NYAP2: variants seen among roughly 807,000 people sequenced by gnomAD.
NYAP2 encodes neuronal tyrosine-phosphorylated phosphoinositide-3-kinase adaptor 2.
A neutral mutation model predicts 50.4 loss-of-function variants in NYAP2; 23 were observed. The ratio of observed to expected loss-of-function variants is 0.46; its 90% CI spans 0.33 to 0.65. NYAP2 has a LOEUF of 0.65. Among genes scored for constraint, NYAP2 ranks in the 30% least tolerant of loss-of-function variants. The pLI is 0.02. For synonymous variants in NYAP2, 394 were observed against 365.2 expected, an observed-to-expected ratio of 1.08 and a Z score of -0.90; for missense variants, 885 against 861.0, an observed-to-expected ratio of 1.03 and a Z score of -0.35.
chr2:225,548,695 C>T (rs189585836), intron 4 of NYAP2, among the ~76,000 whole-genome samples: 26 of 152,052 alleles, frequency 1.7e-4, no homozygotes, highest in Middle Eastern at 6.8e-3. Context: ...AGTGCTACCA[C>T]GAGAATCCAC....
chr2:225,582,316 C>T lies in NYAP2; in HGVS notation c.899C>T (p.Thr300Met), dbSNP rs376660568. ...TGTTCTTCGCAGTGTGCTACTCCCA[C>T]GGTGCCTGACTTGGACTTCGCCAAG... The change falls in exon 5 of 7, where the codon ACG becomes ATG. Residue 300 changes from threonine (T) to methionine (M), a missense_variant. Coordinates refer to ENST00000636099, the Ensembl canonical transcript of NYAP2. The surrounding 1 kb of genome is among the most constrained non-coding windows in gnomAD (Gnocchi z 7.0). 58 of 1,613,904 alleles carry T rather than the reference C, an allele frequency of 3.6e-5. No individual in the cohort carries two copies. The highest frequency in any genetic ancestry group is 1.7e-4 in the African/African-American group (13 of 74,942).
chr2:225,677,705 G>A, the NYAP2 span, among the ~76,000 whole-genome samples: 5 of 151,958 alleles, frequency 3.3e-5, no homozygotes, highest in Non-Finnish European at 7.4e-5. Context: ...TGTTTGTGTG[G>A]TGAATCATAT....
chr2:225,424,003 A>T lies in NYAP2; in HGVS notation c.221+14902A>T, dbSNP rs113931194. 2.2e-3 allele frequency among the ~76,000 whole-genome samples: 341 copies of T among 152,280 alleles called. 4 individuals are homozygous for T. Among genetic ancestry groups the T allele is most frequent in the Middle Eastern group, 0.021 (6 of 292 alleles). On this transcript the variant is annotated intron_variant, in intron 3 of 6. Transcript: ENST00000636099. ...AGATACTTTATTTCTCATGTTGATA[A>T]CACAGTCCCTAAGATACCTGATGAA...
chr2:225,637,871 A>G (rs2106263965), intron 6 of NYAP2, among the ~76,000 whole-genome samples: 1 of 152,288 alleles, frequency 6.6e-6, no homozygotes, highest in African/African-American at 2.4e-5. Context: ...AATGTAAATA[A>G]ACAGGGTACA....
At chr2:225,655,829 G>A (rs1212565096), downstream of NYAP2, among the ~76,000 whole-genome samples, 1 of 146,996 alleles carries the variant, frequency 6.8e-6, no homozygotes, top group Admixed American at 6.9e-5. Context: ...ATGTTCCCAA[G>A]ACATGTTTGA....
chr2:225,700,310 T>C, the NYAP2 span: 1 of 151,780 alleles, frequency 6.6e-6, no homozygotes, highest in Non-Finnish European at 1.5e-5. Context: ...CGTGCATGTG[T>C]GTGTGTGTGA....
chr2:225,617,522 A>G (rs1319093863), intron 5 of NYAP2, among the ~76,000 whole-genome samples: 2 of 152,238 alleles, frequency 1.3e-5, no homozygotes, highest in Non-Finnish European at 2.9e-5. Context: ...TGTTCATAGA[A>G]GCAATTAAAT....
At chr2:225,408,996 C>T (rs368820040) in exon 3 of NYAP2, 9 of 1,612,052 alleles carry the variant, frequency 5.6e-6, no homozygotes, top group Admixed American at 1.7e-5. Context: ...ATTCAGAATG[C>T]GTCAGATATT....
chr2:225,465,954 C>T (rs1173352868), intron 3 of NYAP2, among the ~76,000 whole-genome samples: 1 of 152,096 alleles, frequency 6.6e-6, no homozygotes, highest in African/African-American at 2.4e-5. Flanking sequence ...GCACAAAATC[C>T]ACACTCTTAA....
At chr2:225,545,582 A>T (rs919053625) in intron 4 of NYAP2, among the ~76,000 whole-genome samples, 1 of 151,974 alleles carries the variant, frequency 6.6e-6, no homozygotes. Flanking sequence ...AGAGTTCTGA[A>T]TTTTTTCTCT....
chr2:225,677,045 A>G, the NYAP2 span, among the ~76,000 whole-genome samples: 9 of 152,252 alleles, frequency 5.9e-5, no homozygotes, highest in East Asian at 1.4e-3. Flanking sequence ...TGAGCATGGA[A>G]TAATTTTCTA....
At chr2:225,447,225 T>G (rs1417076205) in intron 3 of NYAP2, among the ~76,000 whole-genome samples, 3 of 152,320 alleles carry the variant, frequency 2.0e-5, no homozygotes, top group Non-Finnish European at 4.4e-5. Context: ...TACTTCCTAG[T>G]GGAGCTGTTC....
At chr2:225,689,130 G>A in the NYAP2 span, among the ~76,000 whole-genome samples, 3 of 152,188 alleles carry the variant, frequency 2.0e-5, no homozygotes, top group Non-Finnish European at 4.4e-5. Context: ...AATTGTCACT[G>A]TTCAGCATGG....
At chr2:225,615,208 G>A (rs1559230516) in intron 5 of NYAP2, among the ~76,000 whole-genome samples, 1 of 152,148 alleles carries the variant, frequency 6.6e-6, no homozygotes. Context: ...AGGACAAAGG[G>A]ATTTGGTCAG....
chr2:225,690,176 A>G, the NYAP2 span, among the ~76,000 whole-genome samples: 1 of 152,150 alleles, frequency 6.6e-6, no homozygotes, highest in Admixed American at 6.5e-5. Context: ...TTAAACATTT[A>G]GTGTAAAATA....
At chr2:225,573,196 G>T (rs1692105306) in intron 4 of NYAP2, among the ~76,000 whole-genome samples, 1 of 148,704 alleles carries the variant, frequency 6.7e-6, no homozygotes. Context: ...CTATTGCTGT[G>T]TAATAAACTA....
At chr2:225,540,935 C>T (rs1003486778) in intron 4 of NYAP2, among the ~76,000 whole-genome samples, 1 of 152,096 alleles carries the variant, frequency 6.6e-6, no homozygotes, top group African/African-American at 2.4e-5. Flanking sequence ...TTTTCCATAT[C>T]CACGCCAGCC....
chr2:225,597,895 T>G (rs182858629), intron 5 of NYAP2, among the ~76,000 whole-genome samples: 3 of 152,184 alleles, frequency 2.0e-5, no homozygotes, highest in Admixed American at 6.5e-5. Flanking sequence ...TAGTAAAAGA[T>G]AAAGTAAGGT....
the NYAP2 span, among the ~76,000 whole-genome samples, chr2:225,677,859 A>G: frequency 6.6e-6 from 1 of 152,074 alleles, no homozygotes; most frequent in African/African-American, 2.4e-5. Context: ...CATCAGGGAT[A>G]TTGGCATGAA....
Sources: allele counts gnomAD v4.1 joint callset (sites outside exome capture counted in the v4.1 genomes callset), GRCh38; gene constraint gnomAD v4.1.1; non-coding constraint Gnocchi (gnomAD v3.1); transcripts MANE v1.5; gene names NCBI Gene and HGNC (gene_info 2026-07-23, HGNC 2026-07-21).